Variants in LAMA5 observed in about 807,000 individuals in gnomAD.
The protein encoded by LAMA5 is laminin subunit alpha 5, also known as laminin subunit alpha-5.
LAMA5 carries 260 observed loss-of-function variants against 433.4 expected under a neutral mutation model. The ratio of observed to expected loss-of-function variants is 0.60; its 90% confidence interval spans 0.54 to 0.66. The LOEUF is 0.66. LAMA5 is among the 30% of genes least tolerant of loss of function. LAMA5 has a pLI of 0.00. For synonymous variants in LAMA5, 2,620 were observed against 2,226.6 expected (o/e 1.18, Z -4.97); for missense variants, 5,378 against 5,258.5 (o/e 1.02, Z -0.70).
Position 62,312,976 on chromosome 20 carries a change from C to G in LAMA5, c.8990G>C (p.Ser2997Thr). ...CCCAAAGTCATACAACAGCACGAGGCTGCCTTCTTGCACGGCCAAGCACAG... is the reference window on the plus strand; with the variant it reads ...CCCAAAGTCATACAACAGCACGAGGGTGCCTTCTTGCACGGCCAAGCACAG... The part of the protein sequence containing the change: ...QFLCLAVQEG[S>T]LVLLYDFGAG... Residue 2997 changes from serine to threonine, a missense_variant, in exon 66 of 80, where the codon AGC (serine) becomes ACC (threonine). Transcript: ENST00000252999. 1 of 1,581,730 alleles carries G rather than the reference C, an allele frequency of 6.3e-7. No homozygotes were observed. Among genetic ancestry groups the G allele is most frequent in the Non-Finnish European group, 8.6e-7 (1 of 1,161,708 alleles).
intron 50 of LAMA5, among the ~76,000 whole-genome samples, 155 bp from the exon 51 acceptor site, chr20:62,319,950 TGTTA>T (rs1243995093): frequency 1.1e-4 from 17 of 152,242 alleles, no homozygotes; most frequent in African/African-American, 7.2e-5. Context: ...ATTTATCACT[TGTTA>T]GTTACCTAAA....
intron 1 of LAMA5, among the ~76,000 whole-genome samples, chr20:62,366,074 C>T (rs1024731871): frequency 6.6e-6 from 1 of 152,244 alleles, no homozygotes; most frequent in African/African-American, 2.4e-5. Context: ...TTACACAGGC[C>T]CTCAGGGCCC....
Position 62,324,505 on chromosome 20 carries a change from C to G in LAMA5, c.5579G>C (p.Arg1860Pro). ...YRDVKGLFLG[R>P]CVPCQCHGHS... Reference sequence around the variant, plus strand: ...TCCATGGCACTGACAAGGGACACATCGGCCCAGGAAGAGACCTTTGACGTC... The same window carrying G: ...TCCATGGCACTGACAAGGGACACATGGGCCCAGGAAGAGACCTTTGACGTC... The change falls in exon 42 of 80, where the codon CGA becomes CCA. Residue 1860 changes from arginine (R) to proline (P), a missense_variant. Arg to Pro is a moderately radical substitution (Grantham distance 103). Transcript: ENST00000252999. This position sits in a 1 kb window ranked among gnomAD's most constrained non-coding sequence, Gnocchi z 4.4. The G allele has an allele frequency of 1.2e-6, 2 of 1,612,278 alleles. No individual in the cohort carries two copies. Among genetic ancestry groups the G allele is most frequent in the Non-Finnish European group, 1.7e-6 (2 of 1,179,726 alleles).
intron 11 of LAMA5, among the ~76,000 whole-genome samples, chr20:62,339,141 G>A (rs377354174): frequency 5.9e-5 from 9 of 151,686 alleles, no homozygotes; most frequent in South Asian, 2.1e-4. Context: ...TATTTCTTAC[G>A]TAGATTCCTA....
Position 62,329,007 on chromosome 20 carries a change from G to A in LAMA5, c.4284C>T (p.Ser1428=). ...LFCRNAAASL[S]LFYNNGARPC... is the part of the protein sequence containing the mutation. ...GACGGGCTCCGTTGTTATAGAAGAG[G>A]GAGAGGGAAGCAGCAGCGTTTCGGC... The change falls in exon 34 of 80, where the codon TCC becomes TCT. Residue 1428 remains serine, a synonymous_variant. Coordinates refer to ENST00000252999, the MANE Select transcript of LAMA5 (RefSeq NM_005560.6). 1 of 1,612,742 alleles carries A rather than the reference G, an allele frequency of 6.2e-7. No individual in the cohort carries two copies. Among genetic ancestry groups the A allele is most frequent in the Non-Finnish European group, 8.5e-7 (1 of 1,179,874 alleles).
intron 72 of LAMA5, 38 bp from the exon 73 acceptor site, chr20:62,311,345 C>T (rs1170789479): frequency 2.0e-6 from 3 of 1,522,046 alleles, no homozygotes; most frequent in East Asian, 2.4e-5. Flanking sequence ...GCCGCCCACA[C>T]AGGGGCCACC....
chr20:62,357,443 T>C (rs757569085), intron 2 of LAMA5, among the ~76,000 whole-genome samples: 5 of 152,124 alleles, frequency 3.3e-5, no homozygotes, highest in African/African-American at 4.8e-5. Context: ...CCGCTCCTGC[T>C]GTGTGCCTCC....
intron 48 of LAMA5, among the ~76,000 whole-genome samples, 192 bp downstream of exon 48, chr20:62,321,827 A>G (rs1466923318): frequency 1.3e-5 from 2 of 150,656 alleles, no homozygotes; most frequent in South Asian, 2.1e-4. Context: ...GGGACAGTAG[A>G]GGGGTGCAGC....
intron 2 of LAMA5, chr20:62,356,042 C>G (rs1985174931): frequency 6.6e-6 from 1 of 152,412 alleles, no homozygotes; most frequent in Non-Finnish European, 1.5e-5. Context: ...TCACATTTTT[C>G]CCAGCTGAGA....
intron 1 of LAMA5, among the ~76,000 whole-genome samples, chr20:62,365,486 C>T (rs950037290): frequency 6.6e-6 from 1 of 152,208 alleles, no homozygotes; most frequent in African/African-American, 2.4e-5. Flanking sequence ...CCCCCAGCCA[C>T]GCAGCATGGG....
In LAMA5 at chr20:62,322,043, C is replaced by T. The variant is rs1203952679; in HGVS notation, c.6472G>A (p.Val2158Met). The T allele has an allele frequency of 6.3e-7, 1 of 1,599,184 alleles. No individual in the cohort carries two copies. The highest frequency in any genetic ancestry group is 2.2e-5 in the East Asian group (1 of 44,842). Residue 2158 changes from valine (V) to methionine (M), a missense_variant, in exon 48 of 80, where the codon GTG becomes ATG. Val to Met is a conservative substitution (Grantham distance 21, BLOSUM62 1). Coordinates refer to ENST00000252999, the MANE Select transcript of LAMA5 (RefSeq NM_005560.6). ...CCTTCACAGTGGATGCTGTGGCCCA[C>T]AGGCCCGCCTGGAACAGGCACCTGA... is the stretch of plus-strand genomic sequence containing the variant. ...QHQVPVPGGP[V>M]GHSIHCEVCD...
rs764087217 is a variant in LAMA5, at chr20:62,329,818, T to A, written c.4078A>T (p.Thr1360Ser). ...CCCTTGGGCACACGCACGGTCACAG[T>A]GAGCTCGCTGTGGGTCACGTCCAGC... ...ALLDVTHSEL[T>S]VTVRVPKGRW... is the part of the protein sequence containing the mutation. Residue 1360 changes from threonine (T) to serine (S), a missense_variant, in exon 32 of 80, where the codon ACT (threonine) becomes TCT (serine). By Grantham distance (58) the Thr-to-Ser change is moderately conservative. Transcript: ENST00000252999. 6 of 1,612,346 alleles carry A rather than the reference T, an allele frequency of 3.7e-6. No individual in the cohort carries two copies. In the South Asian group the frequency reaches 6.6e-5, roughly 18 times the overall value.
At chr20:62,363,085 AG>A (rs1189218718) in intron 1 of LAMA5, among the ~76,000 whole-genome samples, 5 of 152,122 alleles carry the variant, frequency 3.3e-5, no homozygotes, top group South Asian at 2.1e-4. Flanking sequence ...AGGGGGCGGA[AG>A]GGGGAGCTGC....
intron 52 of LAMA5, 34 bp from the exon 53 acceptor site, chr20:62,318,684 G>T: frequency 6.2e-7 from 1 of 1,601,740 alleles, no homozygotes; most frequent in Non-Finnish European, 8.5e-7. Flanking sequence ...GGTCACTCTG[G>T]AAGCCAGGCC....
chr20:62,330,714 C>T (rs916869840), intron 30 of LAMA5, 29 bp downstream of exon 30: 58 of 1,555,574 alleles, frequency 3.7e-5, no homozygotes, highest in Non-Finnish European at 5.0e-5. Flanking sequence ...CCCTGACACC[C>T]CCGTCCCTCT....
At chr20:62,354,758 A>G (rs529351) in intron 2 of LAMA5, among the ~76,000 whole-genome samples, 85,800 of 151,894 alleles carry the variant, frequency 0.56, 26,767 homozygotes, top group East Asian at 0.77. Flanking sequence ...GGGGAGCCCT[A>G]GGCTCCCCCT....
chr20:62,338,567 G>C lies in LAMA5; in HGVS notation c.1519C>G (p.Arg507Gly). Residue 507 changes from arginine (R) to glycine (G), a missense_variant, in exon 12 of 80, where the codon CGG becomes GGG. Transcript: ENST00000252999. ...CAGCGTCCCACCCTTGGGTCCTTCCGGCAGGCGTTGCCCTGGGTCCCTGCC... is the reference window on the plus strand; with the variant it reads ...CAGCGTCCCACCCTTGGGTCCTTCCCGCAGGCGTTGCCCTGGGTCCCTGCC... ...SAAGTQGNAC[R>G]KDPRVGRCLC... 6.2e-7 allele frequency: 1 copy of C among 1,611,176 alleles called. No homozygotes were observed. The highest frequency in any genetic ancestry group is 1.1e-5 in the South Asian group (1 of 90,594).
rs1231736762 is a variant in LAMA5, at chr20:62,320,230, A to C, written c.6759+329T>G. ...CTACTCAGGAGGCTGAGGCAGGAGA[A>C]TCGCTTGAACCCGGGAGGCAGAGGT... On this transcript the variant is annotated intron_variant, in intron 50 of 79. Coordinates refer to ENST00000252999, the MANE Select transcript of LAMA5 (RefSeq NM_005560.6). Among the ~76,000 whole-genome samples the C allele has an allele frequency of 4.0e-5, 6 of 148,428 alleles. No homozygotes were observed. In the Admixed American group the frequency reaches 4.2e-4, roughly 10 times the overall value.
rs1208101838 is a variant in LAMA5 at position 62,353,260 on chromosome 20, C to T, written c.451-9G>A. On this transcript the variant is annotated splice_polypyrimidine_tract_variant and intron_variant, in intron 2 of 79. Transcript: ENST00000252999. ...TAGGCCACGTGGAAGACCTGTGGGC[C>T]GAGAGGGCGTCAGGGGAGCCAGGGG... 5.7e-6 allele frequency: 9 copies of T among 1,582,228 alleles called. No homozygotes were observed. Among genetic ancestry groups the T allele is most frequent in the Non-Finnish European group, 7.7e-6 (9 of 1,161,724 alleles).
Sources: allele counts gnomAD v4.1 joint callset (sites outside exome capture counted in the v4.1 genomes callset), GRCh38; gene constraint gnomAD v4.1.1; non-coding constraint Gnocchi (gnomAD v3.1); transcripts MANE v1.5; gene names NCBI Gene and HGNC (gene_info 2026-07-23, HGNC 2026-07-21).